Variants in ARFGEF3 observed in about 807,000 individuals in gnomAD.
ARFGEF3 encodes the protein brefeldin A-inhibited guanine nucleotide-exchange protein 3.
Under a neutral mutation model 221.7 loss-of-function variants are expected in ARFGEF3, and 96 were observed. The observed-to-expected ratio is 0.43, with a 90% CI of 0.37 to 0.51. The LOEUF is 0.51. Ranked by LOEUF, ARFGEF3 falls within the 20% of genes least tolerant of loss-of-function variation. The pLI is 0.00. For synonymous variants in ARFGEF3, 1,145 were observed against 1,126.8 expected, an observed-to-expected ratio of 1.02 and a Z score of -0.32; for missense variants, 2,410 against 2,789.9, an observed-to-expected ratio of 0.86 and a Z score of 3.07.
intron 22 of ARFGEF3, among the ~76,000 whole-genome samples, chr6:138,305,833 A>C (rs1172600452): frequency 6.6e-6 from 1 of 152,154 alleles, no homozygotes; most frequent in Non-Finnish European, 1.5e-5. Context: ...CCTTTTAAGA[A>C]AAGAGGAATT....
At position 138,170,698 on chromosome 6, in the gene ARFGEF3, C is replaced by G. The variant is rs1354965085; in HGVS notation, c.122C>G (p.Pro41Arg). ...GGTCTGGATACCATTGTCAAGATCC[C>G]TCCACATGTACTGAGGTAGGAGATG... ...LGGLDTIVKI[P>R]PHVLREKCLL... Residue 41 changes from proline to arginine, a missense_variant, in exon 2 of 34, where the codon CCT becomes CGT. Transcript: ENST00000251691. 1.3e-6 allele frequency: 2 copies of G among 1,584,450 alleles called. No individual in the cohort carries two copies. The highest frequency in any genetic ancestry group is 1.7e-6 in the Non-Finnish European group (2 of 1,153,542).
At chr6:138,267,155 G>A (rs1410305278) in intron 12 of ARFGEF3, among the ~76,000 whole-genome samples, 2 of 152,144 alleles carry the variant, frequency 1.3e-5, no homozygotes, top group Non-Finnish European at 2.9e-5. Flanking sequence ...TAAAATTATA[G>A]TCAGGGTCTT....
At chr6:138,270,301 G>A (rs1203337123) in intron 12 of ARFGEF3, among the ~76,000 whole-genome samples, 2 of 152,090 alleles carry the variant, frequency 1.3e-5, no homozygotes, top group Admixed American at 1.3e-4. Context: ...TATCCTTATT[G>A]TAATGTCATT....
intron 10 of ARFGEF3, among the ~76,000 whole-genome samples, chr6:138,260,784 A>C (rs1778777624): frequency 6.6e-6 from 1 of 152,144 alleles, no homozygotes; most frequent in South Asian, 2.1e-4. Context: ...AAAAATTTCA[A>C]AACAGGTACA....
chr6:138,238,044 CAGA>C (rs534894573), intron 5 of ARFGEF3, among the ~76,000 whole-genome samples: 2 of 152,198 alleles, frequency 1.3e-5, no homozygotes, highest in Non-Finnish European at 2.9e-5. Flanking sequence ...ATGAAATTTC[CAGA>C]AGAACACAGC....
chr6:138,299,505 A>ATC (rs1197051666), intron 22 of ARFGEF3, among the ~76,000 whole-genome samples: 1 of 152,120 alleles, frequency 6.6e-6, no homozygotes, highest in African/African-American at 2.4e-5. Context: ...GAAATACAGG[A>ATC]TCTCTCTCTC....
intron 2 of ARFGEF3, 139 bp from the exon 3 acceptor site, chr6:138,206,903 C>T: frequency 4.7e-6 from 3 of 643,154 alleles, no homozygotes; most frequent in Non-Finnish European, 8.3e-6. Context: ...TCTCTTAAGC[C>T]CATGTGCATT....
intron 24 of ARFGEF3, among the ~76,000 whole-genome samples, chr6:138,310,419 T>C (rs1314734152): frequency 6.6e-6 from 1 of 152,250 alleles, no homozygotes; most frequent in Non-Finnish European, 1.5e-5. Context: ...TGTCGATGGC[T>C]GCTTCCATAC....
intron 5 of ARFGEF3, 118 bp downstream of exon 5, chr6:138,229,970 T>A: frequency 1.2e-6 from 1 of 845,348 alleles, no homozygotes; most frequent in South Asian, 1.5e-5. Context: ...ATTACTACCG[T>A]GGGGAATTTC....
intron 2 of ARFGEF3, among the ~76,000 whole-genome samples, chr6:138,187,631 A>G (rs1583000987): frequency 6.6e-6 from 1 of 152,198 alleles, no homozygotes; most frequent in African/African-American, 2.4e-5. Flanking sequence ...GTGATGCCCC[A>G]TAAACTTGAG....
At chr6:138,276,152 T>C (rs1029140901) in intron 12 of ARFGEF3, among the ~76,000 whole-genome samples, 1 of 152,040 alleles carries the variant, frequency 6.6e-6, no homozygotes, top group Non-Finnish European at 1.5e-5. Flanking sequence ...TGTGGGGCTT[T>C]GGAGGGTAAG....
At position 138,340,028 on chromosome 6, in the gene ARFGEF3, C is replaced by G. The variant is rs1037022525; in HGVS notation, c.*3542C>G. ...GGTGGATCTCTTGAGGTCAGGAGTT[C>G]GAGACCAACCTGGCCAACGTGGTGA... is the stretch of plus-strand genomic sequence containing the variant. On this transcript the variant is annotated 3_prime_UTR_variant, in exon 34 of 34. Transcript: ENST00000251691. 1 of 152,070 alleles carries G rather than the reference C, an allele frequency of 6.6e-6. No individual in the cohort carries two copies. The highest frequency in any genetic ancestry group is 2.4e-5 in the African/African-American group (1 of 41,400). 9.4% of individuals were successfully genotyped at this position (152,070 alleles called of 1,614,324 possible).
intron 22 of ARFGEF3, among the ~76,000 whole-genome samples, chr6:138,299,017 G>A (rs1191408076): frequency 6.6e-6 from 1 of 151,992 alleles, no homozygotes; most frequent in Non-Finnish European, 1.5e-5. Flanking sequence ...GACCAACATG[G>A]TGAAACCCCG....
At chr6:138,201,602 A>G (rs577377803) in intron 2 of ARFGEF3, among the ~76,000 whole-genome samples, 2 of 152,362 alleles carry the variant, frequency 1.3e-5, no homozygotes, top group East Asian at 3.9e-4. Context: ...TCCCACTGAT[A>G]TGTGGGAGCT....
At position 138,322,640 on chromosome 6, in the gene ARFGEF3, C is replaced by CA. The variant is rs563173906; in HGVS notation, c.4767-1026dup. On this transcript the variant is annotated intron_variant, in intron 29 of 33. Coordinates refer to ENST00000251691, the MANE Select transcript of ARFGEF3 (RefSeq NM_020340.5). ...TGAAACCCTGTCTCTACTAAAAATA[C>CA]AAAAATTAGCCGGGTGTGGTGGCGG... Among the ~76,000 whole-genome samples the CA allele has an allele frequency of 3.3e-5, 5 of 151,750 alleles. No homozygotes were observed. In the South Asian group the frequency reaches 6.3e-4, roughly 19 times the overall value.
chr6:138,225,309 G>A (rs1189425723), intron 4 of ARFGEF3, among the ~76,000 whole-genome samples: 1 of 152,172 alleles, frequency 6.6e-6, no homozygotes, highest in Admixed American at 6.5e-5. Context: ...GATCTTTCCA[G>A]CATCATCCCT....
At position 138,209,911 on chromosome 6, in the gene ARFGEF3, A is replaced by C; in HGVS notation, c.221A>C (p.Lys74Thr). Reference protein sequence around the residue: ...LAQHALAGMQKLLSEERFVSM... With the variant: ...LAQHALAGMQTLLSEERFVSM... ...TCACTGCCTTGTGCCTCTTTACAGA[A>C]GCTTCTGTCGGAAGAGAGGTTTGTA... Residue 74 changes from lysine (K) to threonine (T), a missense_variant and splice_region_variant, in exon 4 of 34, where the codon AAG becomes ACG. This residue lies in a region of ARFGEF3 where 570 missense variants were observed against 586.9 expected (regional missense o/e 0.97). Coordinates refer to ENST00000251691, the MANE Select transcript of ARFGEF3 (RefSeq NM_020340.5). 1 of 1,613,492 alleles carries C rather than the reference A, an allele frequency of 6.2e-7. No individual in the cohort carries two copies. The highest frequency in any genetic ancestry group is 8.5e-7 in the Non-Finnish European group (1 of 1,179,614).
intron 22 of ARFGEF3, among the ~76,000 whole-genome samples, chr6:138,301,025 A>C (rs954822754): frequency 6.6e-6 from 1 of 152,252 alleles, no homozygotes; most frequent in Non-Finnish European, 1.5e-5. Context: ...TGAAAACAAA[A>C]GTTTAAAAAA....
Position 138,255,726 on chromosome 6 carries a change from C to T in ARFGEF3, c.1061C>T (p.Pro354Leu). 1 of 1,602,926 alleles carries T rather than the reference C, an allele frequency of 6.2e-7. No individual in the cohort carries two copies. The highest frequency in any genetic ancestry group is 8.5e-7 in the Non-Finnish European group (1 of 1,172,216). The change falls in exon 10 of 34, where the codon CCC (proline) becomes CTC (leucine). Residue 354 changes from proline to leucine, a missense_variant. Pro to Leu is a moderately conservative substitution (Grantham distance 98). This residue lies in a region of ARFGEF3 where 570 missense variants were observed against 586.9 expected (regional missense o/e 0.97). Transcript: ENST00000251691. Reference sequence around the variant, plus strand: ...CTCTACCACCGAGTGCTGCTCTACCCCCCACCCCAGCACCGGGTGGAAGCC... The same window carrying T: ...CTCTACCACCGAGTGCTGCTCTACCTCCCACCCCAGCACCGGGTGGAAGCC... ...QSLYHRVLLY[P>L]PPQHRVEAIK...
Sources: allele counts gnomAD v4.1 joint callset (sites outside exome capture counted in the v4.1 genomes callset), GRCh38; gene constraint gnomAD v4.1.1; regional missense constraint gnomAD v4.1.1; transcripts MANE v1.5; gene names NCBI Gene and HGNC (gene_info 2026-07-23, HGNC 2026-07-21).